ROR2: variants seen among roughly 807,000 people sequenced by gnomAD.
The protein encoded by ROR2 is ROR family WNT receptor 2.
In ROR2, 33 loss-of-function variants were observed where a neutral mutation model predicts 74.9. The observed-to-expected ratio is 0.44, with a 90% CI of 0.33 to 0.59. The LOEUF (loss-of-function observed/expected upper bound fraction) is 0.59, where lower values mean the gene tolerates loss of function less well. Ranked by LOEUF, ROR2 falls within the 20% of genes least tolerant of loss-of-function variation. The pLI is 0.02. For synonymous variants in ROR2, 586 were observed against 558.7 expected (o/e 1.05, Z -0.69); for missense variants, 1,216 against 1,313.8 (o/e 0.93, Z 1.15).
intron 1 of ROR2, among the ~76,000 whole-genome samples, chr9:91,831,732 T>C (rs552186837): frequency 1.3e-5 from 2 of 152,180 alleles, no homozygotes; most frequent in African/African-American, 2.4e-5. Context: ...GGAGAATCGC[T>C]TGAACCCAGG....
chr9:91,921,757 GGAGGCT>G (rs1392155465), intron 1 of ROR2, among the ~76,000 whole-genome samples: 2 of 151,684 alleles, frequency 1.3e-5, no homozygotes, highest in Admixed American at 6.6e-5. Context: ...CAGCTACTCA[GGAGGCT>G]GAGGCAGGAG....
At chr9:91,904,977 A>G (rs1284567899) in intron 1 of ROR2, among the ~76,000 whole-genome samples, 5 of 151,998 alleles carry the variant, frequency 3.3e-5, no homozygotes, top group African/African-American at 1.2e-4. Context: ...CACATGCCAC[A>G]CAACATACAA....
intron 1 of ROR2, among the ~76,000 whole-genome samples, chr9:91,923,163 G>A (rs1156297492): frequency 6.6e-6 from 1 of 152,178 alleles, no homozygotes; most frequent in Non-Finnish European, 1.5e-5. Context: ...CAGCCTCTAG[G>A]CACAGAGCAG....
chr9:91,849,788 G>A (rs899830332), intron 1 of ROR2, among the ~76,000 whole-genome samples: 1 of 152,112 alleles, frequency 6.6e-6, no homozygotes, highest in Admixed American at 6.5e-5. Context: ...TGTCATTTAC[G>A]CTTTCAAATC....
chr9:91,761,053 CA>C (rs1187303795), intron 2 of ROR2, among the ~76,000 whole-genome samples: 6 of 152,296 alleles, frequency 3.9e-5, no homozygotes, highest in Admixed American at 6.5e-5. Context: ...TTACCACAAA[CA>C]GGGGTGTAAA....
Position 91,733,050 on chromosome 9 carries a change from C to T in ROR2, c.937+72G>A. ...TGGGGCTCCCTGGGCTTCACCGACA[C>T]CCCCATACACATTTCAAGGGCCCTA... On this transcript the variant is annotated intron_variant, in intron 6 of 8. Coordinates refer to ENST00000375708, the MANE Select transcript of ROR2 (RefSeq NM_004560.4). The surrounding 1 kb of genome is among the most constrained non-coding windows in gnomAD (Gnocchi z 5.7). The T allele has an allele frequency of 2.8e-6, 4 of 1,421,734 alleles. No individual in the cohort carries two copies. Among genetic ancestry groups the T allele is most frequent in the Admixed American group, 2.0e-5 (1 of 49,558 alleles). 88.1% of individuals were successfully genotyped at this position (1,421,734 alleles called of 1,614,324 possible).
Position 91,950,136 on chromosome 9 carries a change from C to G in ROR2, c.-173G>C, listed in dbSNP as rs1020227649. On this transcript the variant is annotated 5_prime_UTR_variant, in exon 1 of 9. Coordinates refer to ENST00000375708, the MANE Select transcript of ROR2 (RefSeq NM_004560.4). ...TCTTCTCCGGCCCGGATGCGCCGCT[C>G]GGCTCCGGCCACGGCAAGGGCTGGC... 4 of 402,988 alleles carry G rather than the reference C, an allele frequency of 9.9e-6. No individual in the cohort carries two copies. Among genetic ancestry groups the G allele is most frequent in the African/African-American group, 2.1e-5 (1 of 47,014 alleles). 25.0% of individuals were successfully genotyped at this position (402,988 alleles called of 1,614,324 possible). A position where few individuals can be genotyped will look rare whatever the true frequency, so the allele number is the denominator to read the frequency against.
chr9:91,753,265 T>C (rs1460796504), intron 4 of ROR2, among the ~76,000 whole-genome samples: 2 of 151,932 alleles, frequency 1.3e-5, no homozygotes, highest in African/African-American at 4.8e-5. Flanking sequence ...TAAGAAACAA[T>C]GTAAAGGAAA....
At chr9:91,912,635 C>T (rs889937549) in intron 1 of ROR2, among the ~76,000 whole-genome samples, 3 of 152,056 alleles carry the variant, frequency 2.0e-5, no homozygotes, top group African/African-American at 7.2e-5. Context: ...GAATGTGAAG[C>T]TTAAGTGTTT....
chr9:91,744,969 A>G (rs1362898613), intron 4 of ROR2, among the ~76,000 whole-genome samples: 1 of 152,202 alleles, frequency 6.6e-6, no homozygotes, highest in Non-Finnish European at 1.5e-5. Flanking sequence ...ATGGTGTAAG[A>G]GCTAGCCCCT....
intron 1 of ROR2, among the ~76,000 whole-genome samples, chr9:91,870,788 G>A (rs10124786): frequency 0.031 from 4,769 of 152,304 alleles, 249 homozygotes; most frequent in African/African-American, 0.11. Context: ...GATTTTTGCA[G>A]GACAGCTTGA....
At chr9:91,949,157 G>T (rs1268477347) in intron 1 of ROR2, among the ~76,000 whole-genome samples, 1 of 151,560 alleles carries the variant, frequency 6.6e-6, no homozygotes, top group Non-Finnish European at 1.5e-5. Context: ...CGCCCCAGCC[G>T]CTCAGGGACC....
intron 1 of ROR2, among the ~76,000 whole-genome samples, chr9:91,944,964 G>A (rs1831974343): frequency 6.6e-6 from 1 of 152,152 alleles, no homozygotes; most frequent in Non-Finnish European, 1.5e-5. Flanking sequence ...GCTAAGATGG[G>A]AGGATAACTT....
rs117127478 is a variant in ROR2 at position 91,772,935 on chromosome 9, G to C, written c.175+2806C>G. Among the ~76,000 whole-genome samples, 656 of 152,304 alleles carry C rather than the reference G, an allele frequency of 4.3e-3. 4 individuals are homozygous for C. Among genetic ancestry groups the C allele is most frequent in the Non-Finnish European group, 7.0e-3 (476 of 68,028 alleles). ...ACTGAATTTGACTTATAAATGCCAG[G>C]AGCTTGCAGCATCCAGGGAATAAAA... is the stretch of plus-strand genomic sequence containing the variant. On this transcript the variant is annotated intron_variant, in intron 2 of 8. Transcript: ENST00000375708.
At chr9:91,837,215 G>A (rs1006986199) in intron 1 of ROR2, among the ~76,000 whole-genome samples, 3 of 152,068 alleles carry the variant, frequency 2.0e-5, no homozygotes, top group South Asian at 2.1e-4. Flanking sequence ...GCAGTGGCGC[G>A]ATCTCAGCCA....
intron 1 of ROR2, among the ~76,000 whole-genome samples, chr9:91,915,009 C>T (rs1831093153): frequency 6.6e-6 from 1 of 152,190 alleles, no homozygotes; most frequent in African/African-American, 2.4e-5. Flanking sequence ...TATCTGGAAT[C>T]ATCACTGCTT....
chr9:91,734,609 G>C (rs1057302298), intron 5 of ROR2, among the ~76,000 whole-genome samples: 2 of 152,166 alleles, frequency 1.3e-5, no homozygotes, highest in East Asian at 1.9e-4. Context: ...ACCCAGGAAC[G>C]GGATGGGCAG....
intron 1 of ROR2, among the ~76,000 whole-genome samples, chr9:91,779,230 T>C (rs10992095): frequency 0.065 from 9,852 of 151,894 alleles, 566 homozygotes; most frequent in Admixed American, 0.17. Flanking sequence ...CATCACAACT[T>C]TTCTATAAAT....
At chr9:91,891,354 C>T (rs1179459798) in intron 1 of ROR2, among the ~76,000 whole-genome samples, 1 of 151,904 alleles carries the variant, frequency 6.6e-6, no homozygotes, top group Non-Finnish European at 1.5e-5. Flanking sequence ...CTGCAACCTC[C>T]GCCTCCCAGG....
Sources: gnomAD v4.1 joint callset for allele counts (sites outside exome capture counted in the v4.1 genomes callset) on GRCh38, gnomAD v4.1.1 for gene constraint, Gnocchi (gnomAD v3.1) non-coding constraint, MANE v1.5 for transcripts, NCBI Gene and HGNC (gene_info 2026-07-23, HGNC 2026-07-21) for gene names.